PSME4: variants seen among roughly 807,000 people sequenced by gnomAD.
PSME4 encodes the protein proteasome activator subunit 4.
In PSME4, 89 loss-of-function variants were observed where a neutral mutation model predicts 253.9. The ratio of observed to expected loss-of-function variants is 0.35; its 90% CI spans 0.30 to 0.42. The LOEUF (loss-of-function observed/expected upper bound fraction) is 0.42. Among genes scored for constraint, PSME4 ranks in the 10% least tolerant of loss-of-function variants. PSME4 has a pLI of 1.00. For missense variants in PSME4, 2,014 were observed against 2,195.2 expected, an observed-to-expected ratio of 0.92 and a Z score of 1.65; for synonymous variants, 851 against 759.2, an observed-to-expected ratio of 1.12 and a Z score of -1.99.
At position 53,865,968 on chromosome 2, in the gene PSME4, G is replaced by A. The variant is rs979784261; in HGVS notation, c.*4+117C>T. 35 of 1,089,066 alleles carry A rather than the reference G, an allele frequency of 3.2e-5. No individual in the cohort carries two copies. In the African/African-American group the frequency reaches 3.3e-4, roughly 10 times the overall value. 67.5% of individuals were successfully genotyped at this position (1,089,066 alleles called of 1,614,324 possible). ...CCATGTTTAAAAACAAACAATCCCC[G>A]CCATCCAACTTTATCTAAACACTGA... On this transcript the variant is annotated intron_variant, in intron 46 of 46. Transcript: ENST00000404125.
chr2:53,934,637 C>G lies in PSME4; in HGVS notation c.925G>C (p.Gly309Arg). 6.2e-7 allele frequency: 1 copy of G among 1,612,786 alleles called. No individual in the cohort carries two copies. Among genetic ancestry groups the G allele is most frequent in the Non-Finnish European group, 8.5e-7 (1 of 1,179,076 alleles). The change falls in exon 8 of 47, where the codon GGA (glycine) becomes CGA (arginine). Residue 309 changes from glycine to arginine, a missense_variant. By Grantham distance (125) the Gly-to-Arg change is moderately radical. Coordinates refer to ENST00000404125, the MANE Select transcript of PSME4 (RefSeq NM_014614.3). Reference protein sequence around the residue: ...PRFLTNAYDIGHAVIWITAMM... With the variant: ...PRFLTNAYDIRHAVIWITAMM... The stretch of plus-strand genomic sequence containing the variant: ...GCGGTGATCCATATTACAGCATGTC[C>G]TATATCATAAGCATTTGTTAAAAAT...
intron 1 of PSME4, among the ~76,000 whole-genome samples, chr2:53,959,247 C>T (rs1011247003): frequency 1.3e-5 from 2 of 151,956 alleles, no homozygotes; most frequent in African/African-American, 4.8e-5. Flanking sequence ...CACCTGTAGT[C>T]CCAGCTATTT....
intron 46 of PSME4, 48 bp from the exon 47 acceptor site, chr2:53,865,621 T>C (rs1678529278): frequency 6.5e-6 from 1 of 152,920 alleles, no homozygotes; most frequent in Non-Finnish European, 1.5e-5. Context: ...GACATCCAAC[T>C]CTAAAAGCCT....
intron 3 of PSME4, among the ~76,000 whole-genome samples, chr2:53,945,290 G>C (rs752516312): frequency 3.3e-5 from 5 of 152,148 alleles, no homozygotes; most frequent in Non-Finnish European, 5.9e-5. Context: ...ATGTCCATAA[G>C]ATTCAAAAGC....
At chr2:53,930,092 C>A (rs1668756125) in intron 10 of PSME4, among the ~76,000 whole-genome samples, 1 of 151,478 alleles carries the variant, frequency 6.6e-6, no homozygotes, top group Non-Finnish European at 1.5e-5. Context: ...AAAACAGCAC[C>A]AAATTACAAC....
chr2:53,871,244 T>C (rs1277402336), intron 43 of PSME4, among the ~76,000 whole-genome samples: 1 of 152,074 alleles, frequency 6.6e-6, no homozygotes, highest in Non-Finnish European at 1.5e-5. Context: ...GCAAGTAATG[T>C]CTTTATCTGT....
chr2:53,866,977 A>G (rs909511585), intron 44 of PSME4, 97 bp from the exon 45 acceptor site: 3 of 1,193,350 alleles, frequency 2.5e-6, no homozygotes, highest in East Asian at 2.5e-5. Flanking sequence ...GTTGTTTTCA[A>G]TATGTGAATT....
Position 53,925,961 on chromosome 2 carries a change from G to C in PSME4, c.1656C>G (p.Asp552Glu). The C allele has an allele frequency of 4.3e-6, 7 of 1,612,100 alleles. No homozygotes were observed. Among genetic ancestry groups the C allele is most frequent in the Non-Finnish European group, 5.9e-6 (7 of 1,178,180 alleles). ...GTTGGTGTGGGTTACAAGCTCACCT[G>C]TCCATAAACTGTAAGACGAAATCCT... is the stretch of plus-strand genomic sequence containing the variant. The part of the protein sequence containing the change: ...EFEDFVLQFM[D>E]RCFGLIESST... The change falls in exon 13 of 47, where the codon GAC (aspartate) becomes GAG (glutamate). Residue 552 changes from aspartate to glutamate, a missense_variant and splice_region_variant. Transcript: ENST00000404125.
intron 20 of PSME4, 150 bp downstream of exon 20, chr2:53,919,001 T>C: frequency 1.5e-6 from 1 of 676,816 alleles, no homozygotes; most frequent in Non-Finnish European, 2.4e-6. Context: ...AAATCTAAAT[T>C]GTACCTCTGG....
At chr2:53,927,978 A>C in intron 11 of PSME4, 139 bp downstream of exon 11, 1 of 630,922 alleles carries the variant, frequency 1.6e-6, no homozygotes, top group Non-Finnish European at 2.6e-6. Flanking sequence ...AACAACTGTT[A>C]CTTTAATAAT....
At chr2:53,966,941 G>A (rs184318827) in intron 1 of PSME4, among the ~76,000 whole-genome samples, 36 of 152,126 alleles carry the variant, frequency 2.4e-4, no homozygotes, top group African/African-American at 8.2e-4. Flanking sequence ...CTCGTGATCC[G>A]TCTGCCTCGG....
rs145961089 is a variant in PSME4 at position 53,962,157 on chromosome 2, G to T, written c.242+8386C>A. Among the ~76,000 whole-genome samples, 44 of 152,276 alleles carry T rather than the reference G, an allele frequency of 2.9e-4. No homozygotes were observed. The East Asian group carries it at 7.3e-3, about 25-fold the overall frequency. The stretch of plus-strand genomic sequence containing the variant: ...AAAGTACATTGATTTCTTCATTATG[G>T]CTAGCAGATATTTAAGAATGTTTGC... On this transcript the variant is annotated intron_variant, in intron 1 of 46. Coordinates refer to ENST00000404125, the MANE Select transcript of PSME4 (RefSeq NM_014614.3).
chr2:53,876,062 A>G (rs576763047), intron 41 of PSME4, among the ~76,000 whole-genome samples: 11 of 152,328 alleles, frequency 7.2e-5, no homozygotes, highest in South Asian at 2.1e-4. Context: ...GTCCCTTAAA[A>G]AAGAATCATG....
At chr2:53,939,534 C>T (rs79435818) in intron 4 of PSME4, among the ~76,000 whole-genome samples, 4,416 of 151,634 alleles carry the variant, frequency 0.029, 96 homozygotes, top group Non-Finnish European at 0.048. Flanking sequence ...AAGACCAGCC[C>T]GGGCAATACA....
At chr2:53,907,755 C>A (rs1345915385) in intron 24 of PSME4, among the ~76,000 whole-genome samples, 1 of 152,158 alleles carries the variant, frequency 6.6e-6, no homozygotes. Flanking sequence ...TATCTCCTTG[C>A]CCTTTTACAT....
At chr2:53,916,593 T>A (rs939965363) in intron 20 of PSME4, among the ~76,000 whole-genome samples, 1 of 152,194 alleles carries the variant, frequency 6.6e-6, no homozygotes. Context: ...CACAGAACAA[T>A]GGGACCATTT....
rs1302612398 is a variant in PSME4 at position 53,899,974 on chromosome 2, G to A, written c.3329C>T (p.Ser1110Leu). Residue 1110 changes from serine to leucine, a missense_variant, in exon 29 of 47, where the codon TCA becomes TTA. By Grantham distance (145) the Ser-to-Leu change is moderately radical. Coordinates refer to ENST00000404125, the MANE Select transcript of PSME4 (RefSeq NM_014614.3). ...CVEIAELLQQ[S>L]KNPSINQILL... is the part of the protein sequence containing the mutation. The stretch of plus-strand genomic sequence containing the variant: ...TATCTGGTTGATAGAGGGGTTTTTT[G>A]ACTGTTGAAGTAATTCCGCTATTTC... 6.2e-7 allele frequency: 1 copy of A among 1,613,138 alleles called. No individual in the cohort carries two copies.
chr2:53,915,612 G>A (rs1668024179), intron 20 of PSME4, among the ~76,000 whole-genome samples: 1 of 151,752 alleles, frequency 6.6e-6, no homozygotes, highest in East Asian at 1.9e-4. Context: ...TAAGCTTCTA[G>A]GGTCTTTTTG....
At chr2:53,921,816 C>T (rs1668336524) in intron 17 of PSME4, among the ~76,000 whole-genome samples, 1 of 131,206 alleles carries the variant, frequency 7.6e-6, no homozygotes, top group South Asian at 2.7e-4. Flanking sequence ...TGCAGTGAGC[C>T]GAGATCGTGC....
Sources: allele counts gnomAD v4.1 joint callset (sites outside exome capture counted in the v4.1 genomes callset), GRCh38; gene constraint gnomAD v4.1.1; transcripts MANE v1.5; gene names NCBI Gene and HGNC (gene_info 2026-07-23, HGNC 2026-07-21).